Variants in FER1L6 observed in about 807,000 individuals in gnomAD.
FER1L6 encodes the protein fer-1-like protein 6.
A neutral mutation model predicts 219.2 loss-of-function variants in FER1L6; 177 were observed. The observed-to-expected ratio is 0.81, with a 90% CI of 0.71 to 0.91. The LOEUF (loss-of-function observed/expected upper bound fraction) is 0.91. Ranked by LOEUF, FER1L6 falls within the 40% of genes least tolerant of loss-of-function variation. The pLI, the probability that FER1L6 is intolerant of heterozygous loss-of-function variation, is 0.00. For synonymous variants in FER1L6, 768 were observed against 824.3 expected, an observed-to-expected ratio of 0.93 and a Z score of 1.17; for missense variants, 2,153 against 2,259.9, an observed-to-expected ratio of 0.95 and a Z score of 0.96.
chr8:124,062,124 C>T, intron 25 of FER1L6, 92 bp downstream of exon 25: 2 of 1,381,082 alleles, frequency 1.4e-6, no homozygotes, highest in Non-Finnish European at 2.0e-6. Context: ...AGAGGATGCC[C>T]CACAGCCAAG....
intron 23 of FER1L6, 115 bp downstream of exon 23, chr8:124,060,405 C>T: frequency 1.4e-6 from 2 of 1,420,142 alleles, no homozygotes; most frequent in Non-Finnish European, 2.0e-6. Context: ...AAAGAATGAG[C>T]CCTCAAAAAG....
At chr8:123,917,468 G>A (rs1180881312) in intron 1 of FER1L6, among the ~76,000 whole-genome samples, 1 of 152,182 alleles carries the variant, frequency 6.6e-6, no homozygotes, top group Non-Finnish European at 1.5e-5. Context: ...CATGACATTT[G>A]TCTAAATCTC....
At position 123,932,198 on chromosome 8, in the gene FER1L6, T is replaced by C. The variant is rs552718581; in HGVS notation, c.-7-23794T>C. On this transcript the variant is annotated intron_variant, in intron 1 of 40. Transcript: ENST00000522917. Reference sequence around the variant, plus strand: ...ATGTCGACTCACTACAACCTCTGCCTCCTGAGTTCATGCGATTCTCCTGCC... The same window carrying C: ...ATGTCGACTCACTACAACCTCTGCCCCCTGAGTTCATGCGATTCTCCTGCC... 4.9e-4 allele frequency among the ~76,000 whole-genome samples: 75 copies of C among 152,320 alleles called. 2 individuals are homozygous for C. The South Asian group carries it at 0.015, about 31-fold the overall frequency.
chr8:124,012,079 T>C (rs563498307), intron 14 of FER1L6, among the ~76,000 whole-genome samples: 1 of 152,324 alleles, frequency 6.6e-6, no homozygotes, highest in Admixed American at 6.5e-5. Flanking sequence ...AATTCTTCTC[T>C]CCTACTCCCG....
intron 14 of FER1L6, among the ~76,000 whole-genome samples, chr8:124,011,380 G>C (rs146268745): frequency 0.017 from 2,646 of 152,156 alleles, 26 homozygotes; most frequent in Non-Finnish European, 0.028. Flanking sequence ...TTTTGAGAAG[G>C]GGTCTTGCTT....
intron 1 of FER1L6, among the ~76,000 whole-genome samples, chr8:123,955,783 A>G (rs368395239): frequency 9.9e-5 from 15 of 152,012 alleles, no homozygotes; most frequent in Admixed American, 3.3e-4. Flanking sequence ...CACGATTCCA[A>G]TTCGGGTGGG....
chr8:123,853,369 G>A lies in FER1L6; in HGVS notation c.-8+1184G>A, dbSNP rs1816558546. ...GGGGTTTCACCATGACGGCCAGGAT[G>A]GTCTCAAACTTCTGACCTCAAACGA... On this transcript the variant is annotated intron_variant, in intron 1 of 40. Transcript: ENST00000522917. This position sits in a 1 kb window ranked among gnomAD's most constrained non-coding sequence, Gnocchi z 6.6. Among the ~76,000 whole-genome samples the A allele has an allele frequency of 6.6e-6, 1 of 152,036 alleles. No individual in the cohort carries two copies. Among genetic ancestry groups the A allele is most frequent in the African/African-American group, 2.4e-5 (1 of 41,400 alleles).
At chr8:123,929,267 C>A (rs941427801) in intron 1 of FER1L6, among the ~76,000 whole-genome samples, 3 of 152,186 alleles carry the variant, frequency 2.0e-5, no homozygotes, top group African/African-American at 7.2e-5. Context: ...GTGAACTGGG[C>A]AGGGCTTTCG....
At chr8:123,857,861 A>C (rs145602502) in intron 1 of FER1L6, among the ~76,000 whole-genome samples, 1 of 152,156 alleles carries the variant, frequency 6.6e-6, no homozygotes, top group Admixed American at 6.5e-5. Context: ...AAACTAATTT[A>C]TATGTTCACG....
At chr8:123,912,632 C>T (rs192841011) in intron 1 of FER1L6, among the ~76,000 whole-genome samples, 37 of 152,054 alleles carry the variant, frequency 2.4e-4, no homozygotes, top group African/African-American at 8.0e-4. Context: ...TATCATTTTA[C>T]GAATGAAAAA....
At chr8:124,024,605 G>A (rs1393047519) in intron 18 of FER1L6, among the ~76,000 whole-genome samples, 1 of 152,110 alleles carries the variant, frequency 6.6e-6, no homozygotes, top group Non-Finnish European at 1.5e-5. Context: ...CCAGTCATCA[G>A]GCAATGGACA....
At chr8:124,000,790 C>A (rs1484862250) in intron 12 of FER1L6, among the ~76,000 whole-genome samples, 1 of 152,018 alleles carries the variant, frequency 6.6e-6, no homozygotes, top group Non-Finnish European at 1.5e-5. Flanking sequence ...TTCAACAGGG[C>A]AGAAAAAAAT....
chr8:124,057,111 T>A (rs1820334117), intron 22 of FER1L6, among the ~76,000 whole-genome samples: 1 of 152,144 alleles, frequency 6.6e-6, no homozygotes, highest in Admixed American at 6.5e-5. Context: ...CTCAAGACGA[T>A]CTCCTCAAGT....
chr8:123,982,453 G>A (rs1816366599), intron 11 of FER1L6, among the ~76,000 whole-genome samples: 1 of 152,056 alleles, frequency 6.6e-6, no homozygotes, highest in African/African-American at 2.4e-5. Flanking sequence ...GCTGTTGGAG[G>A]GTGTATCTTG....
chr8:124,097,574 G>T (rs1441958191), intron 36 of FER1L6, among the ~76,000 whole-genome samples: 2 of 152,114 alleles, frequency 1.3e-5, no homozygotes, highest in Non-Finnish European at 2.9e-5. Context: ...AGAGAAGGAA[G>T]ACCTGCTCAT....
At chr8:123,964,301 G>T (rs1586525064) in intron 3 of FER1L6, among the ~76,000 whole-genome samples, 1 of 152,308 alleles carries the variant, frequency 6.6e-6, no homozygotes, top group East Asian at 1.9e-4. Context: ...TCTTACTTGT[G>T]ATAATTCCTC....
At chr8:123,871,804 C>T (rs1414336204) in intron 1 of FER1L6, among the ~76,000 whole-genome samples, 1 of 152,116 alleles carries the variant, frequency 6.6e-6, no homozygotes, top group East Asian at 1.9e-4. Context: ...ATAAACACTA[C>T]CTCATTCAGG....
chr8:124,084,944 A>T, intron 33 of FER1L6, among the ~76,000 whole-genome samples: 1 of 152,002 alleles, frequency 6.6e-6, no homozygotes, highest in Non-Finnish European at 1.5e-5. Flanking sequence ...CTTGTTATTG[A>T]TCTATTCAGG....
intron 13 of FER1L6, chr8:124,004,234 T>C (rs1168977374): frequency 3.3e-5 from 5 of 151,790 alleles, no homozygotes; most frequent in African/African-American, 1.2e-4. Flanking sequence ...AGTTTCAACC[T>C]GCAAATAGAA....
Sources: allele counts gnomAD v4.1 joint callset (sites outside exome capture counted in the v4.1 genomes callset), GRCh38; gene constraint gnomAD v4.1.1; non-coding constraint Gnocchi (gnomAD v3.1); transcripts MANE v1.5; gene names NCBI Gene and HGNC (gene_info 2026-07-23, HGNC 2026-07-21).